The following ARC variants were observed in gnomAD, a reference collection of about 807,000 sequenced individuals.
ARC encodes the protein activity-regulated cytoskeleton-associated protein.
Under a neutral mutation model 20.0 loss-of-function variants are expected in ARC, and 10 were observed. The observed-to-expected ratio is 0.50, with a 90% confidence interval of 0.31 to 0.85. ARC has a LOEUF of 0.85. Among genes scored for constraint, ARC ranks in the 40% least tolerant of loss-of-function variants. The pLI, the probability that ARC is intolerant of heterozygous loss-of-function variation, is 0.05. For synonymous variants in ARC, 269 were observed against 254.1 expected (o/e 1.06, Z -0.56); for missense variants, 454 against 555.5 (o/e 0.82, Z 1.84).
chr8:142,613,432 G>A lies in ARC; in HGVS notation c.840C>T (p.Ser280=), dbSNP rs764686003. ...EFLQYSEGTL[S]REAIQRELDL... ...CCAGCTCGCGCTGGATGGCCTCTCGGGACAGCGTGCCCTCGCTGTACTGCA... is the reference window on the plus strand; with the variant it reads ...CCAGCTCGCGCTGGATGGCCTCTCGAGACAGCGTGCCCTCGCTGTACTGCA... Residue 280 remains serine (S), a synonymous_variant, in exon 1 of 3, where the codon TCC becomes TCT. Coordinates refer to ENST00000356613, the MANE Select transcript of ARC (RefSeq NM_015193.5). 5.0e-6 allele frequency: 8 copies of A among 1,612,418 alleles called. No individual in the cohort carries two copies. Among genetic ancestry groups the A allele is most frequent in the East Asian group, 2.2e-5 (1 of 44,870 alleles).
In ARC at chr8:142,612,074, G is replaced by A. The variant is rs111488480; in HGVS notation, c.*742+34C>T. 6.5e-3 allele frequency: 998 copies of A among 153,222 alleles called. 6 individuals are homozygous for A. Among genetic ancestry groups the A allele is most frequent in the Non-Finnish European group, 9.7e-3 (666 of 68,378 alleles). 9.5% of individuals were successfully genotyped at this position (153,222 alleles called of 1,614,324 possible). On this transcript the variant is annotated intron_variant, in intron 2 of 2. Coordinates refer to ENST00000356613, the MANE Select transcript of ARC (RefSeq NM_015193.5). The stretch of plus-strand genomic sequence containing the variant: ...GCTCATTTGGCCGGGACAGCTGATG[G>A]TGGGGTCTGGGTGGAAGGGTGGTGC...
In ARC at chr8:142,612,902, C is replaced by T. The variant is rs1188970049; in HGVS notation, c.*179G>A. 4 of 573,270 alleles carry T rather than the reference C, an allele frequency of 7.0e-6. No individual in the cohort carries two copies. The highest frequency in any genetic ancestry group is 4.6e-4 in the Middle Eastern group (1 of 2,196). 35.5% of individuals were successfully genotyped at this position (573,270 alleles called of 1,614,324 possible). ...GCCCTGCAGGGGGGAGGGCTCTTTGCCGCTGGGTGCGGTGCTCACATCTGG... is the reference window on the plus strand; with the variant it reads ...GCCCTGCAGGGGGGAGGGCTCTTTGTCGCTGGGTGCGGTGCTCACATCTGG... On this transcript the variant is annotated 3_prime_UTR_variant, in exon 1 of 3. Coordinates refer to ENST00000356613, the MANE Select transcript of ARC (RefSeq NM_015193.5).
At position 142,612,843 on chromosome 8, in the gene ARC, C is replaced by G; in HGVS notation, c.*238G>C. The G allele has an allele frequency of 2.0e-6, 1 of 507,890 alleles. No homozygotes were observed. Among genetic ancestry groups the G allele is most frequent in the Non-Finnish European group, 3.5e-6 (1 of 286,450 alleles). The allele number at this position is 507,890 out of a possible 1,614,324, so 31.5% of individuals were successfully genotyped here. On this transcript the variant is annotated 3_prime_UTR_variant, in exon 1 of 3. Coordinates refer to ENST00000356613, the MANE Select transcript of ARC (RefSeq NM_015193.5). ...AGAGTGTGGAGGGTGGGGTCCAGGC[C>G]GGAAAGACAGACGGAGGGAGGGTGA...
Position 142,613,422 on chromosome 8 carries a change from T to C in ARC, c.850A>G (p.Ile284Val). ...YSEGTLSREA[I>V]QRELDLPQKQ... ...TGCGGCAGGTCCAGCTCGCGCTGGA[T>C]GGCCTCTCGGGACAGCGTGCCCTCG... The change falls in exon 1 of 3, where the codon ATC (isoleucine) becomes GTC (valine). Residue 284 changes from isoleucine (I) to valine (V), a missense_variant. Coordinates refer to ENST00000356613, the MANE Select transcript of ARC (RefSeq NM_015193.5). The C allele has an allele frequency of 6.2e-7, 1 of 1,612,104 alleles. No individual in the cohort carries two copies. Among genetic ancestry groups the C allele is most frequent in the Non-Finnish European group, 8.5e-7 (1 of 1,179,692 alleles).
chr8:142,613,457 A>C lies in ARC; in HGVS notation c.815T>G (p.Leu272Arg), dbSNP rs781518844. 3 of 1,613,048 alleles carry C rather than the reference A, an allele frequency of 1.9e-6. No homozygotes were observed. The African/African-American group carries it at 4.0e-5, about 22-fold the overall frequency. Residue 272 changes from leucine (L) to arginine (R), a missense_variant, in exon 1 of 3, where the codon CTG (leucine) becomes CGG (arginine). Coordinates refer to ENST00000356613, the MANE Select transcript of ARC (RefSeq NM_015193.5). Reference sequence around the variant, plus strand: ...GGACAGCGTGCCCTCGCTGTACTGCAGGAACTCCTTCTTGAACTCCACCCA... The same window carrying C: ...GGACAGCGTGCCCTCGCTGTACTGCCGGAACTCCTTCTTGAACTCCACCCA... ...KNWVEFKKEFLQYSEGTLSRE... is the reference protein window; with the variant it reads ...KNWVEFKKEFRQYSEGTLSRE...
In ARC at chr8:142,613,028, G is replaced by A. The variant is rs1355118176; in HGVS notation, c.*53C>T. 2.2e-5 allele frequency: 31 copies of A among 1,385,444 alleles called. No individual in the cohort carries two copies. The Admixed American group carries it at 5.3e-4, about 24-fold the overall frequency. 85.8% of individuals were successfully genotyped at this position (1,385,444 alleles called of 1,614,324 possible). A position where few individuals can be genotyped will look rare whatever the true frequency, so the allele number is the denominator to read the frequency against. ...CAGCCCCAGCTCAAAAGTCCTGGTG[G>A]GCAAAGCCACAGGCTGGATGTAGTG... is the stretch of plus-strand genomic sequence containing the variant. On this transcript the variant is annotated 3_prime_UTR_variant, in exon 1 of 3. Transcript: ENST00000356613.
rs1477487949 is a variant in ARC, at chr8:142,611,716, C to T, written c.*884G>A. On this transcript the variant is annotated 3_prime_UTR_variant, in exon 3 of 3. Coordinates refer to ENST00000356613, the MANE Select transcript of ARC (RefSeq NM_015193.5). ...TGGCGCTCAGGGCTAAGCTGGGGCTCCTGCCCTCTGCTGCAGCCGACTCCT... is the reference window on the plus strand; with the variant it reads ...TGGCGCTCAGGGCTAAGCTGGGGCTTCTGCCCTCTGCTGCAGCCGACTCCT... 1 of 152,340 alleles carries T rather than the reference C, an allele frequency of 6.6e-6. No individual in the cohort carries two copies. The highest frequency in any genetic ancestry group is 6.5e-5 in the Admixed American group (1 of 15,294). The allele number at this position is 152,340 out of a possible 1,614,324, so 9.4% of individuals were successfully genotyped here.
chr8:142,613,685 G>A lies in ARC; in HGVS notation c.587C>T (p.Pro196Leu), dbSNP rs199916173. 9 of 1,570,588 alleles carry A rather than the reference G, an allele frequency of 5.7e-6. No individual in the cohort carries two copies. In the East Asian group the frequency reaches 1.4e-4, roughly 24 times the overall value. Residue 196 changes from proline to leucine, a missense_variant, in exon 1 of 3, where the codon CCG (proline) becomes CTG (leucine). Physicochemically the swap from Pro to Leu is moderately conservative, Grantham distance 98. Transcript: ENST00000356613. ...QEPAEAQQYQ[P>L]WVPGEDGQPS... ...CTGCCCGTCCTCGCCGGGGACCCAC[G>A]GCTGGTACTGCTGGGCCTCGGCGGG...
Position 142,611,223 on chromosome 8 carries a change from C to T in ARC, c.*1377G>A, listed in dbSNP as rs898211334. 6.5e-5 allele frequency: 10 copies of T among 152,704 alleles called. No individual in the cohort carries two copies. Among genetic ancestry groups the T allele is most frequent in the African/African-American group, 1.7e-4 (7 of 41,544 alleles). 9.5% of individuals were successfully genotyped at this position (152,704 alleles called of 1,614,324 possible). A position where few individuals can be genotyped will look rare whatever the true frequency, so the allele number is the denominator to read the frequency against. ...ACAGGCTCCAGGGCTTCCCCAAAGCCTGTGCCAGCCTTGAGGATTGGTTAT... is the reference window on the plus strand; with the variant it reads ...ACAGGCTCCAGGGCTTCCCCAAAGCTTGTGCCAGCCTTGAGGATTGGTTAT... On this transcript the variant is annotated 3_prime_UTR_variant, in exon 3 of 3. Transcript: ENST00000356613.
Position 142,613,279 on chromosome 8 carries a change from GGGCTGCAGGGT to G in ARC, c.982_992del (p.Thr328GlnfsTer27). On this transcript the variant is annotated frameshift_variant, in exon 1 of 3. Transcript: ENST00000356613. LOFTEE classifies it low-confidence loss of function (END_TRUNC). The stretch of plus-strand genomic sequence containing the variant: ...GGTGGCGCAGGAAACGCTTGAGCTT[GGGCTGCAGGGT>G]GCCCACCACGTACTGGATGATCTCC... 6.2e-7 allele frequency: 1 copy of G among 1,613,676 alleles called. No homozygotes were observed. Among genetic ancestry groups the G allele is most frequent in the Non-Finnish European group, 8.5e-7 (1 of 1,179,984 alleles).
rs753240952 is a variant in ARC, at chr8:142,613,844, G to A, written c.428C>T (p.Ser143Leu). 4 of 1,540,724 alleles carry A rather than the reference G, an allele frequency of 2.6e-6. No individual in the cohort carries two copies. The African/African-American group carries it at 5.5e-5, about 21-fold the overall frequency. Reference protein sequence around the residue: ...TGGKYPVGSESARHTVSVGVG... With the variant: ...TGGKYPVGSELARHTVSVGVG... Reference sequence around the variant, plus strand: ...GCCCACGGAAACGGTGTGGCGGGCTGACTCGCTGCCCACCGGGTACTTGCC... The same window carrying A: ...GCCCACGGAAACGGTGTGGCGGGCTAACTCGCTGCCCACCGGGTACTTGCC... Residue 143 changes from serine to leucine, a missense_variant, in exon 1 of 3, where the codon TCA becomes TTA. Around this residue, in one of 3 missense-constraint regions of ARC, gnomAD observed 265 missense variants for 301.7 expected, o/e 0.88. Coordinates refer to ENST00000356613, the MANE Select transcript of ARC (RefSeq NM_015193.5).
At position 142,614,135 on chromosome 8, in the gene ARC, T is replaced by A; in HGVS notation, c.137A>T (p.His46Leu). Reference protein sequence around the residue: ...AEMLEHVRRTHRHLLAEVSKQ... With the variant: ...AEMLEHVRRTLRHLLAEVSKQ... ...GGACACCTCGGCCAGCAGGTGCCGG[T>A]GCGTCCGCCGCACGTGCTCCAGCAT... Residue 46 changes from histidine (H) to leucine (L), a missense_variant, in exon 1 of 3, where the codon CAC becomes CTC. By Grantham distance (99) the His-to-Leu change is moderately conservative. Coordinates refer to ENST00000356613, the MANE Select transcript of ARC (RefSeq NM_015193.5). 6.3e-7 allele frequency: 1 copy of A among 1,586,866 alleles called. No homozygotes were observed. Among genetic ancestry groups the A allele is most frequent in the Non-Finnish European group, 8.6e-7 (1 of 1,167,684 alleles).
In ARC at chr8:142,614,380, G is replaced by C; in HGVS notation, c.-109C>G. 1.0e-6 allele frequency: 1 copy of C among 1,001,454 alleles called. No homozygotes were observed. The allele number at this position is 1,001,454 out of a possible 1,614,324, so 62.0% of individuals were successfully genotyped here. A position where few individuals can be genotyped will look rare whatever the true frequency, so the allele number is the denominator to read the frequency against. ...CCGTGCGGAGCTGCGGGGAGCGCCT[G>C]TCTGTCGCTGCGGGCCGGCGGCGGG... On this transcript the variant is annotated 5_prime_UTR_variant, in exon 1 of 3. Transcript: ENST00000356613.
At position 142,613,107 on chromosome 8, in the gene ARC, C is replaced by T. The variant is rs1320277133; in HGVS notation, c.1165G>A (p.Ala389Thr). The T allele has an allele frequency of 1.3e-6, 2 of 1,558,984 alleles. No homozygotes were observed. The highest frequency in any genetic ancestry group is 1.7e-6 in the Non-Finnish European group (2 of 1,153,354). The change falls in exon 1 of 3, where the codon GCC becomes ACC. Residue 389 changes from alanine (A) to threonine (T), a missense_variant. Ala to Thr is a moderately conservative substitution (Grantham distance 58). This residue lies in a region of ARC where 72 missense variants were observed against 59.4 expected (regional missense o/e 1.21). Transcript: ENST00000356613. ...LTPAPNSESV[A>T]SDRTQPE is the part of the protein sequence containing the mutation. ...TACTCGGGCTGGGTCCGGTCACTGG[C>T]CACGGACTCGCTGTTGGGGGCGGGC...
Position 142,613,124 on chromosome 8 carries a change from G to T in ARC, c.1148C>A (p.Pro383His). The change falls in exon 1 of 3, where the codon CCC (proline) becomes CAC (histidine). Residue 383 changes from proline (P) to histidine (H), a missense_variant. This residue lies in a region of ARC where 72 missense variants were observed against 59.4 expected (regional missense o/e 1.21). Transcript: ENST00000356613. ...EDEAETLTPA[P>H]NSESVASDRT... ...GTCACTGGCCACGGACTCGCTGTTGGGGGCGGGCGTGAGGGTCTCCGCCTC... is the reference window on the plus strand; with the variant it reads ...GTCACTGGCCACGGACTCGCTGTTGTGGGCGGGCGTGAGGGTCTCCGCCTC... The T allele has an allele frequency of 1.1e-5, 18 of 1,577,796 alleles. No individual in the cohort carries two copies. Among genetic ancestry groups the T allele is most frequent in the Non-Finnish European group, 1.5e-5 (18 of 1,162,554 alleles).
At position 142,614,295 on chromosome 8, in the gene ARC, C is replaced by A. The variant is rs1188466303; in HGVS notation, c.-24G>T. ...ATCTGTGCGCAGGTGCTCCGGCAGG[C>A]GGCAAACTCCTCGGGGCGGACAGAG... On this transcript the variant is annotated 5_prime_UTR_variant, in exon 1 of 3. Transcript: ENST00000356613. The A allele has an allele frequency of 7.2e-7, 1 of 1,382,882 alleles. No homozygotes were observed. The highest frequency in any genetic ancestry group is 9.3e-7 in the Non-Finnish European group (1 of 1,072,436). 85.7% of individuals were successfully genotyped at this position (1,382,882 alleles called of 1,614,324 possible).
In ARC at chr8:142,613,125, G is replaced by C. The variant is rs750521419; in HGVS notation, c.1147C>G (p.Pro383Ala). Residue 383 changes from proline (P) to alanine (A), a missense_variant, in exon 1 of 3, where the codon CCC (proline) becomes GCC (alanine). Pro to Ala is a conservative substitution (Grantham distance 27). Coordinates refer to ENST00000356613, the MANE Select transcript of ARC (RefSeq NM_015193.5). ...TCACTGGCCACGGACTCGCTGTTGGGGGCGGGCGTGAGGGTCTCCGCCTCA... is the reference window on the plus strand; with the variant it reads ...TCACTGGCCACGGACTCGCTGTTGGCGGCGGGCGTGAGGGTCTCCGCCTCA... Reference protein sequence around the residue: ...EDEAETLTPAPNSESVASDRT... With the variant: ...EDEAETLTPAANSESVASDRT... The C allele has an allele frequency of 2.0e-5, 32 of 1,580,504 alleles. No individual in the cohort carries two copies. In the Admixed American group the frequency reaches 5.5e-4, roughly 27 times the overall value.
At position 142,614,006 on chromosome 8, in the gene ARC, T is replaced by G. The variant is rs770423305; in HGVS notation, c.266A>C (p.Lys89Thr). The change falls in exon 1 of 3, where the codon AAG (lysine) becomes ACG (threonine). Residue 89 changes from lysine (K) to threonine (T), a missense_variant. This residue lies in a region of ARC where 265 missense variants were observed against 301.7 expected (regional missense o/e 0.88). Coordinates refer to ENST00000356613, the MANE Select transcript of ARC (RefSeq NM_015193.5). ...VPTSDSQRWK[K>T]SIKACLCRCQ... is the part of the protein sequence containing the mutation. Reference sequence around the variant, plus strand: ...GCGGCACAGGCAGGCCTTGATGGACTTCTTCCAGCGCTGCGAGTCGCTCGT... The same window carrying G: ...GCGGCACAGGCAGGCCTTGATGGACGTCTTCCAGCGCTGCGAGTCGCTCGT... 6.2e-7 allele frequency: 1 copy of G among 1,609,186 alleles called. No homozygotes were observed. Among genetic ancestry groups the G allele is most frequent in the East Asian group, 2.2e-5 (1 of 44,852 alleles).
chr8:142,611,806 G>A lies in ARC; in HGVS notation c.*794C>T, dbSNP rs181697423. The A allele has an allele frequency of 6.5e-6, 1 of 152,672 alleles. No homozygotes were observed. The highest frequency in any genetic ancestry group is 6.5e-5 in the Admixed American group (1 of 15,292). 9.5% of individuals were successfully genotyped at this position (152,672 alleles called of 1,614,324 possible). A position where few individuals can be genotyped will look rare whatever the true frequency, so the allele number is the denominator to read the frequency against. Reference sequence around the variant, plus strand: ...CCCACGCAGGCAGCCTGCAAGGTGAGGGGTGGGTGGTGCCCAGCACAGCAG... The same window carrying A: ...CCCACGCAGGCAGCCTGCAAGGTGAAGGGTGGGTGGTGCCCAGCACAGCAG... On this transcript the variant is annotated 3_prime_UTR_variant, in exon 3 of 3. Transcript: ENST00000356613.
Sources: allele counts gnomAD v4.1 joint callset, GRCh38; gene constraint gnomAD v4.1.1; regional missense constraint gnomAD v4.1.1; transcripts MANE v1.5; gene names NCBI Gene and HGNC (gene_info 2026-07-23, HGNC 2026-07-21).